Variants in SPAG16 observed in about 807,000 individuals in gnomAD.
SPAG16 encodes the protein sperm associated antigen 16.
Under a neutral mutation model 80.4 loss-of-function variants are expected in SPAG16, and 86 were observed. The ratio of observed to expected loss-of-function variants is 1.07; its 90% confidence interval spans 0.90 to 1.28. The LOEUF (loss-of-function observed/expected upper bound fraction) is 1.28. Ranked by LOEUF, SPAG16 falls within the 50% of genes most tolerant of loss-of-function variation. The pLI is 0.00. For synonymous variants in SPAG16, 294 were observed against 265.9 expected (o/e 1.11, Z -1.03); for missense variants, 870 against 765.3 (o/e 1.14, Z -1.61).
chr2:214,108,844 G>C (rs1273538067), intron 14 of SPAG16, among the ~76,000 whole-genome samples: 3 of 152,140 alleles, frequency 2.0e-5, no homozygotes, highest in South Asian at 2.1e-4. Flanking sequence ...ATTCATTCAG[G>C]TGTAAGGATG....
At chr2:213,595,714 C>G (rs2060863258) in intron 10 of SPAG16, among the ~76,000 whole-genome samples, 2 of 152,102 alleles carry the variant, frequency 1.3e-5, no homozygotes, top group South Asian at 4.1e-4. Flanking sequence ...AAGTTCCAAA[C>G]AAGTCAACAA....
intron 10 of SPAG16, among the ~76,000 whole-genome samples, chr2:213,503,161 G>T (rs2074815365): frequency 6.6e-6 from 1 of 152,022 alleles, no homozygotes; most frequent in Non-Finnish European, 1.5e-5. Context: ...ATCTAATATT[G>T]TTTCACCTCC....
At chr2:213,457,544 T>C (rs2072095602) in intron 9 of SPAG16, among the ~76,000 whole-genome samples, 1 of 152,216 alleles carries the variant, frequency 6.6e-6, no homozygotes, top group African/African-American at 2.4e-5. Context: ...TGAATTGTTA[T>C]ATCTACCCTG....
intron 10 of SPAG16, among the ~76,000 whole-genome samples, chr2:213,660,837 C>T (rs138064093): frequency 1.4e-3 from 213 of 152,352 alleles, no homozygotes; most frequent in African/African-American, 4.8e-3. Context: ...TTACAGCTGT[C>T]GATCATGTGC....
intron 5 of SPAG16, among the ~76,000 whole-genome samples, chr2:213,318,280 A>C (rs1339003983): frequency 6.6e-6 from 1 of 151,990 alleles, no homozygotes; most frequent in Admixed American, 6.6e-5. Flanking sequence ...TGATGGGATA[A>C]AAAATGTGAC....
chr2:214,287,760 AG>A lies in SPAG16; in HGVS notation c.1721-122379del, dbSNP rs1399152036. 2.0e-5 allele frequency among the ~76,000 whole-genome samples: 3 copies of A among 152,210 alleles called. No individual in the cohort carries two copies. The East Asian group carries it at 5.8e-4, about 29-fold the overall frequency. ...AAATCAGTGTGTGAGGAAATTTAAAAGTCCAGTTTTCATTAATTTTAGCACA... is the reference window on the plus strand; with the variant it reads ...AAATCAGTGTGTGAGGAAATTTAAAATCCAGTTTTCATTAATTTTAGCACA... On this transcript the variant is annotated intron_variant, in intron 15 of 15. Transcript: ENST00000331683.
intron 15 of SPAG16, among the ~76,000 whole-genome samples, chr2:214,220,189 A>G (rs1379103841): frequency 6.6e-6 from 1 of 152,156 alleles, no homozygotes; most frequent in Non-Finnish European, 1.5e-5. Flanking sequence ...AATATCTTAT[A>G]AGAATGTTAA....
intron 10 of SPAG16, among the ~76,000 whole-genome samples, chr2:213,852,067 C>T (rs1188296685): frequency 6.6e-6 from 1 of 152,190 alleles, no homozygotes; most frequent in East Asian, 1.9e-4. Flanking sequence ...TTTGTATACA[C>T]ATTTGTTTTG....
At chr2:213,626,196 AT>A (rs1447344985) in intron 10 of SPAG16, among the ~76,000 whole-genome samples, 18 of 152,316 alleles carry the variant, frequency 1.2e-4, no homozygotes, top group African/African-American at 3.6e-4. Context: ...AAACCAGAAG[AT>A]TCTGAAAATG....
chr2:213,571,871 A>G (rs1180824348), intron 10 of SPAG16, among the ~76,000 whole-genome samples: 1 of 135,832 alleles, frequency 7.4e-6, no homozygotes, highest in Non-Finnish European at 1.5e-5. Context: ...ACTTTCAGGT[A>G]CACCAATCAG....
rs1256960062 is a variant in SPAG16, at chr2:214,209,358, A to G, written c.1720+60092A>G. 2.6e-5 allele frequency among the ~76,000 whole-genome samples: 4 copies of G among 152,166 alleles called. No homozygotes were observed. The East Asian group carries it at 7.7e-4, about 29-fold the overall frequency. ...AATTTTGCTTGTGTCTCACACCCCT[A>G]GCATCACTGTCTCCTGAGCCATAAA... On this transcript the variant is annotated intron_variant, in intron 15 of 15. Coordinates refer to ENST00000331683, the MANE Select transcript of SPAG16 (RefSeq NM_024532.5).
At chr2:214,355,766 A>T (rs888270123) in intron 15 of SPAG16, among the ~76,000 whole-genome samples, 5 of 152,074 alleles carry the variant, frequency 3.3e-5, no homozygotes, top group African/African-American at 7.2e-5. Flanking sequence ...AAGACTTGGA[A>T]CTAACCCAAA....
intron 14 of SPAG16, among the ~76,000 whole-genome samples, chr2:214,122,608 C>T (rs989735335): frequency 5.3e-5 from 8 of 151,834 alleles, no homozygotes; most frequent in African/African-American, 1.9e-4. Flanking sequence ...TTAGGTCATA[C>T]AGTGATTGAT....
chr2:213,991,118 A>G (rs1401555535), intron 12 of SPAG16, among the ~76,000 whole-genome samples: 1 of 151,844 alleles, frequency 6.6e-6, no homozygotes, highest in Non-Finnish European at 1.5e-5. Context: ...CCCATCATCT[A>G]CATTAGGTAT....
chr2:213,948,727 A>G (rs2079577269), intron 12 of SPAG16, among the ~76,000 whole-genome samples: 1 of 152,108 alleles, frequency 6.6e-6, no homozygotes, highest in South Asian at 2.1e-4. Context: ...CTGATGCCAT[A>G]TTATTTTATT....
rs74936583 is a variant in SPAG16, at chr2:214,010,521, C to T, written c.1401-3430C>T. ...ATTTGGGAAAGAAACTGTAAGGGCT[C>T]TTGGGTGTAAACAGCAAACGAACCC... On this transcript the variant is annotated intron_variant, in intron 12 of 15. Coordinates refer to ENST00000331683, the MANE Select transcript of SPAG16 (RefSeq NM_024532.5). Among the ~76,000 whole-genome samples the T allele has an allele frequency of 7.7e-3, 1,123 of 146,380 alleles. 195 individuals carry two copies. Among genetic ancestry groups the T allele is most frequent in the African/African-American group, 0.029 (1,080 of 37,356 alleles).
chr2:213,544,681 G>T (rs1380570331), intron 10 of SPAG16, among the ~76,000 whole-genome samples: 2 of 151,834 alleles, frequency 1.3e-5, no homozygotes, highest in East Asian at 1.9e-4. Flanking sequence ...TATTCATATC[G>T]CTCCCCCCTC....
At position 213,489,527 on chromosome 2, in the gene SPAG16, T is replaced by C. The variant is rs1339078993; in HGVS notation, c.943-436T>C. Among the ~76,000 whole-genome samples, 3 of 152,294 alleles carry C rather than the reference T, an allele frequency of 2.0e-5. No homozygotes were observed. The East Asian group carries it at 5.8e-4, about 29-fold the overall frequency. ...TCATAATCAATCAATTAGCAAATGT[T>C]AACTTTGTTACCCAATGAAAGTGTT... On this transcript the variant is annotated intron_variant, in intron 9 of 15. Coordinates refer to ENST00000331683, the MANE Select transcript of SPAG16 (RefSeq NM_024532.5).
At chr2:214,367,271 C>T (rs1379401333) in intron 15 of SPAG16, among the ~76,000 whole-genome samples, 1 of 152,168 alleles carries the variant, frequency 6.6e-6, no homozygotes, top group Non-Finnish European at 1.5e-5. Flanking sequence ...CCTACTATAA[C>T]AATTCATGTG....
Sources: gnomAD v4.1 joint callset for allele counts (sites outside exome capture counted in the v4.1 genomes callset) on GRCh38, gnomAD v4.1.1 for gene constraint, MANE v1.5 for transcripts, NCBI Gene and HGNC (gene_info 2026-07-23, HGNC 2026-07-21) for gene names.